Variants in RBL2 observed in about 807,000 individuals in gnomAD.
RBL2 encodes RB transcriptional corepressor like 2, also known as retinoblastoma-like protein 2.
A neutral mutation model predicts 126.0 loss-of-function variants in RBL2; 56 were observed. The ratio of observed to expected loss-of-function variants is 0.44; its 90% CI spans 0.36 to 0.56. RBL2 has a LOEUF of 0.56. RBL2 is among the 20% of genes least tolerant of loss of function. The pLI, the probability that RBL2 is intolerant of heterozygous loss-of-function variation, is 0.00. For missense variants in RBL2, 1,229 were observed against 1,398.2 expected, an observed-to-expected ratio of 0.88 and a Z score of 1.93; for synonymous variants, 454 against 478.5, an observed-to-expected ratio of 0.95 and a Z score of 0.67.
chr16:53,451,521 TAAAG>T (rs1257486994), intron 4 of RBL2, among the ~76,000 whole-genome samples, 178 bp from the exon 5 acceptor site: 11 of 152,004 alleles, frequency 7.2e-5, no homozygotes, highest in Non-Finnish European at 1.6e-4. Flanking sequence ...AATAAATAAA[TAAAG>T]AAATTTATTA....
At position 53,454,766 on chromosome 16, in the gene RBL2, G is replaced by A. The variant is rs1472383304; in HGVS notation, c.1103G>A (p.Cys368Tyr). The A allele has an allele frequency of 6.2e-7, 1 of 1,614,094 alleles. No individual in the cohort carries two copies. Among genetic ancestry groups the A allele is most frequent in the Admixed American group, 1.7e-5 (1 of 60,010 alleles). Residue 368 changes from cysteine (C) to tyrosine (Y), a missense_variant, in exon 8 of 22, where the codon TGT (cysteine) becomes TAT (tyrosine). Cys to Tyr is a radical substitution (Grantham distance 194). Transcript: ENST00000262133. ...AEEEIGTLSR[C>Y]LNAGSGTETA... ...GAGGAAATTGGGACTCTCTCAAGGT[G>A]TCTGAACGCTGGTTCAGGAACAGAG...
At chr16:53,467,017 T>C in intron 13 of RBL2, 41 bp from the exon 14 acceptor site, 1 of 1,453,684 alleles carries the variant, frequency 6.9e-7, no homozygotes, top group South Asian at 1.2e-5. Context: ...ATTAAAGTGC[T>C]TTTTTGGATA....
chr16:53,478,196 A>C (rs1333031764), intron 17 of RBL2, among the ~76,000 whole-genome samples: 1 of 152,054 alleles, frequency 6.6e-6, no homozygotes, highest in African/African-American at 2.4e-5. Flanking sequence ...TTAGAAGTCA[A>C]ATTTTATTTT....
At position 53,436,616 on chromosome 16, in the gene RBL2, T is replaced by C. The variant is rs16952237; in HGVS notation, c.240+1820T>C. ...ATTCTCATGGGAGTGCAAGGGAAAA[T>C]AAAGCTCTTATGATGTTTAATACAG... On this transcript the variant is annotated intron_variant, in intron 1 of 21. Coordinates refer to ENST00000262133, the MANE Select transcript of RBL2 (RefSeq NM_005611.4). 8.4e-3 allele frequency among the ~76,000 whole-genome samples: 1,273 copies of C among 152,236 alleles called. 20 individuals are homozygous for C. Among genetic ancestry groups the C allele is most frequent in the African/African-American group, 0.029 (1,187 of 41,518 alleles).
rs186949703 is a variant in RBL2 at position 53,486,453 on chromosome 16, T to C, written c.3250-3677T>C. Among the ~76,000 whole-genome samples the C allele has an allele frequency of 2.0e-5, 3 of 152,316 alleles. No individual in the cohort carries two copies. In the East Asian group the frequency reaches 5.8e-4, roughly 29 times the overall value. ...TTAAAAACCTCCTGTCAGAGAAAAC[T>C]GTAGGCCCAGATGGCTTCATTGGTA... On this transcript the variant is annotated intron_variant, in intron 21 of 21. Coordinates refer to ENST00000262133, the MANE Select transcript of RBL2 (RefSeq NM_005611.4).
At chr16:53,456,464 C>A (rs2058168460) in intron 8 of RBL2, among the ~76,000 whole-genome samples, 1 of 152,046 alleles carries the variant, frequency 6.6e-6, no homozygotes, top group South Asian at 2.1e-4. Context: ...GTAGCTGGGC[C>A]ATATTTTGGA....
At chr16:53,486,785 A>G (rs996069506) in intron 21 of RBL2, among the ~76,000 whole-genome samples, 1 of 152,200 alleles carries the variant, frequency 6.6e-6, no homozygotes, top group Admixed American at 6.5e-5. Flanking sequence ...GCAATAAGAC[A>G]AGAAAAGCCA....
intron 21 of RBL2, among the ~76,000 whole-genome samples, chr16:53,485,398 A>G (rs1961124498): frequency 6.6e-6 from 1 of 152,360 alleles, no homozygotes; most frequent in South Asian, 2.1e-4. Flanking sequence ...TGTGGGATGT[A>G]GCTAAAACAG....
Position 53,459,545 on chromosome 16 carries a change from G to C in RBL2, c.1274G>C (p.Ser425Thr), listed in dbSNP as rs1457624670. 1 of 1,609,644 alleles carries C rather than the reference G, an allele frequency of 6.2e-7. No homozygotes were observed. Among genetic ancestry groups the C allele is most frequent in the Admixed American group, 1.7e-5 (1 of 58,718 alleles). ...CVTPVSTATHSLSRLHTMLTG... is the reference protein window; with the variant it reads ...CVTPVSTATHTLSRLHTMLTG... ...ACTCCAGTTTCTACAGCTACGCATAGCTTGAGTCGTCTTCACACCATGCTG... is the reference window on the plus strand; with the variant it reads ...ACTCCAGTTTCTACAGCTACGCATACCTTGAGTCGTCTTCACACCATGCTG... Residue 425 changes from serine to threonine, a missense_variant, in exon 9 of 22, where the codon AGC becomes ACC. Transcript: ENST00000262133.
chr16:53,471,001 C>A (rs1272816255), intron 17 of RBL2, 79 bp downstream of exon 17: 5 of 1,384,640 alleles, frequency 3.6e-6, no homozygotes, highest in Admixed American at 2.1e-5. Context: ...TCTTGAGATA[C>A]AGTTTACATG....
intron 21 of RBL2, chr16:53,488,068 A>T (rs935481805): frequency 6.6e-6 from 1 of 152,250 alleles, no homozygotes; most frequent in Non-Finnish European, 1.5e-5. Flanking sequence ...CACAAATGAA[A>T]TGGAAACTTA....
intron 19 of RBL2, 75 bp from the exon 20 acceptor site, chr16:53,480,492 C>A: frequency 7.8e-7 from 1 of 1,287,728 alleles, no homozygotes; most frequent in Non-Finnish European, 1.1e-6. Context: ...TGTTCCCTTT[C>A]TCCTACTTTT....
intron 3 of RBL2, among the ~76,000 whole-genome samples, chr16:53,443,814 A>G (rs1160167967): frequency 7.2e-6 from 1 of 138,152 alleles, no homozygotes; most frequent in African/African-American, 2.7e-5. Context: ...CCTTTTAAAA[A>G]TAAAATGGGG....
chr16:53,461,719 T>A, intron 9 of RBL2, 22 bp from the exon 10 acceptor site: 1 of 1,519,940 alleles, frequency 6.6e-7, no homozygotes, highest in Non-Finnish European at 8.9e-7. Flanking sequence ...TAAATTATGT[T>A]ATTTCTCATT....
At position 53,434,652 on chromosome 16, in the gene RBL2, A is replaced by G; in HGVS notation, c.96A>G (p.Glu32=). The part of the protein sequence containing the change: ...DEEEEDDGEA[E]DAAPPAESPT... ...AGGAGGAGGACGACGGCGAGGCGGA[A>G]GACGCCGCGCCGCCTGCCGAGTCGC... Residue 32 remains glutamate, a synonymous_variant, in exon 1 of 22, where the codon GAA becomes GAG. Coordinates refer to ENST00000262133, the MANE Select transcript of RBL2 (RefSeq NM_005611.4). 4 of 1,563,460 alleles carry G rather than the reference A, an allele frequency of 2.6e-6. No individual in the cohort carries two copies. The highest frequency in any genetic ancestry group is 3.4e-6 in the Non-Finnish European group (4 of 1,164,524).
At chr16:53,445,509 AC>A (rs2058054019) in intron 3 of RBL2, among the ~76,000 whole-genome samples, 1 of 152,140 alleles carries the variant, frequency 6.6e-6, no homozygotes, top group African/African-American at 2.4e-5. Flanking sequence ...CCCTCTGACA[AC>A]CTTGTGATAC....
chr16:53,453,760 G>T lies in RBL2; in HGVS notation c.983G>T (p.Gly328Val), dbSNP rs1160325011. The T allele has an allele frequency of 1.2e-6, 2 of 1,606,662 alleles. No homozygotes were observed. Among genetic ancestry groups the T allele is most frequent in the Non-Finnish European group, 1.7e-6 (2 of 1,175,848 alleles). The change falls in exon 7 of 22, where the codon GGA (glycine) becomes GTA (valine). Residue 328 changes from glycine (G) to valine (V), a missense_variant. Gly to Val is a moderately radical substitution (Grantham distance 109). This residue lies in a region of RBL2 where 1,070 missense variants were observed against 1,274.3 expected (regional missense o/e 0.84). Transcript: ENST00000262133. ...LTGFLEPGNF[G>V]ESFKAINKAY... The stretch of plus-strand genomic sequence containing the variant: ...GGGTTTCTAGAACCTGGGAACTTTG[G>T]AGAGAGTTTGTGAGTACTTCTGTAT...
chr16:53,446,316 A>T (rs767576926), intron 3 of RBL2, among the ~76,000 whole-genome samples: 1 of 135,300 alleles, frequency 7.4e-6, no homozygotes, highest in Non-Finnish European at 1.5e-5. Flanking sequence ...GACAGATGAA[A>T]TGACTAAGGC....
At chr16:53,468,072 A>G (rs1431480516) in intron 14 of RBL2, among the ~76,000 whole-genome samples, 1 of 152,230 alleles carries the variant, frequency 6.6e-6, no homozygotes, top group East Asian at 1.9e-4. Flanking sequence ...CTGCAAGGTG[A>G]AAGGTTTTAG....
Sources: allele counts gnomAD v4.1 joint callset (sites outside exome capture counted in the v4.1 genomes callset), GRCh38; gene constraint gnomAD v4.1.1; regional missense constraint gnomAD v4.1.1; transcripts MANE v1.5; gene names NCBI Gene and HGNC (gene_info 2026-07-23, HGNC 2026-07-21).